The following MARCHF1 variants were observed in gnomAD, a reference collection of about 807,000 sequenced individuals.
MARCHF1 encodes the protein E3 ubiquitin-protein ligase MARCHF1.
Under a neutral mutation model 54.2 loss-of-function variants are expected in MARCHF1, and 40 were observed. That is an observed-to-expected ratio of 0.74 (90% CI 0.57 to 0.96). The LOEUF (loss-of-function observed/expected upper bound fraction) is 0.96. Ranked by LOEUF, MARCHF1 falls within the 40% of genes least tolerant of loss-of-function variation. The pLI is 0.00. For missense variants in MARCHF1, 586 were observed against 656.5 expected, an observed-to-expected ratio of 0.89 and a Z score of 1.17; for synonymous variants, 236 against 236.3, an observed-to-expected ratio of 1.00 and a Z score of 0.01.
chr4:163,698,575 A>G (rs1383202491), intron 5 of MARCHF1, among the ~76,000 whole-genome samples: 1 of 152,206 alleles, frequency 6.6e-6, no homozygotes, highest in Non-Finnish European at 1.5e-5. Context: ...CAGTTTTATA[A>G]TTAATTGTCT....
intron 3 of MARCHF1, among the ~76,000 whole-genome samples, chr4:163,925,080 C>G (rs2111374696): frequency 6.6e-6 from 1 of 151,850 alleles, no homozygotes; most frequent in South Asian, 2.1e-4. Flanking sequence ...TTAAGAAAAA[C>G]TGTAACCACT....
intron 1 of MARCHF1, among the ~76,000 whole-genome samples, chr4:164,290,940 T>TA (rs1734269504): frequency 6.6e-6 from 1 of 151,958 alleles, no homozygotes; most frequent in African/African-American, 2.4e-5. Flanking sequence ...GTATCTTATT[T>TA]AAAATCTTTT....
At chr4:164,013,992 T>A (rs963047786) in intron 2 of MARCHF1, among the ~76,000 whole-genome samples, 1 of 151,738 alleles carries the variant, frequency 6.6e-6, no homozygotes, top group East Asian at 1.9e-4. Context: ...ATCAAAACCA[T>A]CCTGGTCAAA....
At chr4:163,700,768 T>C (rs965148265) in intron 5 of MARCHF1, 45 bp downstream of exon 5, 2 of 1,380,940 alleles carry the variant, frequency 1.4e-6, no homozygotes, top group East Asian at 2.5e-5. Context: ...TGTGAACTCA[T>C]GAAGTGCAGA....
chr4:164,027,303 G>A (rs79401924), intron 2 of MARCHF1, among the ~76,000 whole-genome samples: 5,048 of 134,334 alleles, frequency 0.038, 248 homozygotes, highest in African/African-American at 0.13. Context: ...AAAGAACAAA[G>A]CTGGAGGCAT....
chr4:163,568,029 T>A, intron 8 of MARCHF1, among the ~76,000 whole-genome samples: 1 of 152,150 alleles, frequency 6.6e-6, no homozygotes, highest in East Asian at 1.9e-4. Flanking sequence ...TGGTCTTCTA[T>A]TGCTATTGAC....
At chr4:164,154,748 A>T (rs1158992268) in intron 1 of MARCHF1, among the ~76,000 whole-genome samples, 2 of 152,210 alleles carry the variant, frequency 1.3e-5, no homozygotes, top group African/African-American at 4.8e-5. Context: ...TGGATGGCTT[A>T]AGGGTTAACC....
At chr4:163,946,381 T>A (rs1752026384) in intron 3 of MARCHF1, among the ~76,000 whole-genome samples, 1 of 152,058 alleles carries the variant, frequency 6.6e-6, no homozygotes. Context: ...CCAAAATAGA[T>A]CCCATACTAT....
intron 3 of MARCHF1, among the ~76,000 whole-genome samples, chr4:163,937,286 T>A (rs982946611): frequency 1.3e-5 from 2 of 152,098 alleles, no homozygotes; most frequent in African/African-American, 2.4e-5. Flanking sequence ...ACATATATAC[T>A]CACATACCCA....
intron 1 of MARCHF1, among the ~76,000 whole-genome samples, chr4:164,368,305 G>A (rs1440762794): frequency 1.4e-5 from 2 of 146,110 alleles, no homozygotes; most frequent in Admixed American, 7.0e-5. Context: ...AAGAACAAAT[G>A]AAAAAGAAAA....
chr4:163,898,819 A>G (rs1023308485), intron 3 of MARCHF1, among the ~76,000 whole-genome samples: 1 of 152,206 alleles, frequency 6.6e-6, no homozygotes, highest in East Asian at 1.9e-4. Flanking sequence ...GATAAAGAAA[A>G]TGCGGTATAT....
chr4:163,699,963 G>GTTTT (rs35324736), intron 5 of MARCHF1, among the ~76,000 whole-genome samples: 87 of 143,934 alleles, frequency 6.0e-4, no homozygotes, highest in Non-Finnish European at 8.8e-4. Context: ...GGAATATTTT[G>GTTTT]TTTTTTTTTT....
chr4:163,590,068 G>T, intron 7 of MARCHF1, among the ~76,000 whole-genome samples: 1 of 151,868 alleles, frequency 6.6e-6, no homozygotes, highest in Non-Finnish European at 1.5e-5. Flanking sequence ...GTGTGTGTGT[G>T]TGTGTGTGTG....
chr4:164,143,757 G>A (rs1729569437), intron 1 of MARCHF1, among the ~76,000 whole-genome samples: 1 of 152,252 alleles, frequency 6.6e-6, no homozygotes, highest in African/African-American at 2.4e-5. Context: ...GGAAGAAACT[G>A]CATCAACTAA....
chr4:163,991,649 A>T (rs1752969394), intron 2 of MARCHF1, among the ~76,000 whole-genome samples: 1 of 152,176 alleles, frequency 6.6e-6, no homozygotes, highest in Non-Finnish European at 1.5e-5. Flanking sequence ...TGGATACAGG[A>T]ATCATTCAGC....
intron 4 of MARCHF1, among the ~76,000 whole-genome samples, chr4:163,743,022 G>A (rs1746254703): frequency 6.6e-6 from 1 of 152,140 alleles, no homozygotes; most frequent in African/African-American, 2.4e-5. Context: ...TGCTATTTAA[G>A]TACAGCTTTA....
At chr4:163,883,964 G>A (rs746269330) in intron 3 of MARCHF1, among the ~76,000 whole-genome samples, 6 of 152,142 alleles carry the variant, frequency 3.9e-5, no homozygotes, top group Non-Finnish European at 5.9e-5. Context: ...TGAATCACAT[G>A]CACTGTGATT....
chr4:163,555,932 G>A (rs771803906), intron 8 of MARCHF1: 4 of 456,104 alleles, frequency 8.8e-6, no homozygotes, highest in East Asian at 6.9e-5. Flanking sequence ...TAGCCTTGCC[G>A]TTTAGGAGAC....
At position 164,094,458 on chromosome 4, in the gene MARCHF1, G is replaced by A. The variant is rs536748081; in HGVS notation, c.-248+17130C>T. Among the ~76,000 whole-genome samples the A allele has an allele frequency of 1.6e-4, 24 of 152,280 alleles. No homozygotes were observed. The South Asian group carries it at 4.8e-3, about 30-fold the overall frequency. ...TCTCCAGCAAAGTCCGGAGAGAACA[G>A]AGTAAGATTTGAGCAGTGGATATCA... On this transcript the variant is annotated intron_variant, in intron 2 of 9. Coordinates refer to ENST00000514618, the MANE Select transcript of MARCHF1 (RefSeq NM_001394959.1).
Sources: allele counts gnomAD v4.1 joint callset (sites outside exome capture counted in the v4.1 genomes callset), GRCh38; gene constraint gnomAD v4.1.1; transcripts MANE v1.5; gene names NCBI Gene and HGNC (gene_info 2026-07-23, HGNC 2026-07-21).